The following SUMF1 variants were observed in gnomAD, a reference collection of about 807,000 sequenced individuals.
The protein encoded by SUMF1 is sulfatase modifying factor 1.
Under a neutral mutation model 47.6 loss-of-function variants are expected in SUMF1, and 48 were observed. The observed-to-expected ratio is 1.01, with a 90% CI of 0.80 to 1.28. SUMF1 has a LOEUF of 1.28. Among genes scored for constraint, SUMF1 ranks in the 50% most tolerant of loss-of-function variants. SUMF1 has a pLI of 0.00. For missense variants in SUMF1, 571 were observed against 485.4 expected, an observed-to-expected ratio of 1.18 and a Z score of -1.66; for synonymous variants, 230 against 192.1, an observed-to-expected ratio of 1.20 and a Z score of -1.63.
Position 4,294,590 on chromosome 3 carries a change from C to T in SUMF1, c.1014+81740G>A, listed in dbSNP as rs115132609. 5.1e-3 allele frequency among the ~76,000 whole-genome samples: 771 copies of T among 152,190 alleles called. 7 individuals are homozygous for T. Among genetic ancestry groups the T allele is most frequent in the South Asian group, 0.025 (120 of 4,830 alleles). ...CCTGGGCAACAGAGCAAGAACCTGT[C>T]TCAACAACAACAACAACAAATGTTA... On this transcript the variant is annotated intron_variant and NMD_transcript_variant, in intron 8 of 12. Coordinates refer to the SUMF1 transcript ENST00000448413.
intron 8 of SUMF1, among the ~76,000 whole-genome samples, chr3:4,151,582 C>CAT (rs1225534707): frequency 1.4e-5 from 2 of 148,034 alleles, no homozygotes; most frequent in African/African-American, 5.1e-5. Flanking sequence ...CACACACACA[C>CAT]ACACACATGC....
chr3:4,307,634 C>T (rs757149270), intron 8 of SUMF1, among the ~76,000 whole-genome samples: 1 of 152,192 alleles, frequency 6.6e-6, no homozygotes, highest in Non-Finnish European at 1.5e-5. Context: ...TCCAGTATAT[C>T]ATTTTGCCGT....
chr3:4,411,472 T>C (rs144573172), intron 6 of SUMF1, among the ~76,000 whole-genome samples: 44 of 152,264 alleles, frequency 2.9e-4, no homozygotes, highest in African/African-American at 9.9e-4. Flanking sequence ...CATCTTACCT[T>C]AAGCCTCAAA....
intron 7 of SUMF1, among the ~76,000 whole-genome samples, chr3:4,388,373 T>G (rs1018611775): frequency 1.3e-5 from 2 of 152,098 alleles, no homozygotes; most frequent in African/African-American, 4.8e-5. Flanking sequence ...GATATGAATA[T>G]AGCCACTCTG....
chr3:4,201,259 T>G (rs1695534806), intron 8 of SUMF1, among the ~76,000 whole-genome samples: 1 of 152,060 alleles, frequency 6.6e-6, no homozygotes, highest in African/African-American at 2.4e-5. Context: ...ATTTTTGTAC[T>G]CATTAACCAT....
intron 8 of SUMF1, among the ~76,000 whole-genome samples, chr3:4,369,579 T>C (rs1700106547): frequency 6.6e-6 from 1 of 152,236 alleles, no homozygotes; most frequent in Non-Finnish European, 1.5e-5. Flanking sequence ...ATGTCATTCT[T>C]GTCCCATAAA....
chr3:4,333,386 G>A (rs1017245164), intron 8 of SUMF1, among the ~76,000 whole-genome samples: 1 of 152,218 alleles, frequency 6.6e-6, no homozygotes, highest in African/African-American at 2.4e-5. Flanking sequence ...CATCCTCAGG[G>A]GGGTGTCAGG....
At chr3:4,184,006 A>G (rs761028077) in intron 8 of SUMF1, among the ~76,000 whole-genome samples, 2 of 152,016 alleles carry the variant, frequency 1.3e-5, no homozygotes, top group Non-Finnish European at 2.9e-5. Context: ...ATTGTGGCAC[A>G]TGCCTGCAGT....
At chr3:4,276,194 G>C (rs1322097935) in intron 8 of SUMF1, among the ~76,000 whole-genome samples, 1 of 152,086 alleles carries the variant, frequency 6.6e-6, no homozygotes, top group Non-Finnish European at 1.5e-5. Context: ...TTTTACAGGG[G>C]ACAACAGGCA....
At chr3:4,316,046 CAAAAAAAA>C (rs774059331) in intron 8 of SUMF1, among the ~76,000 whole-genome samples, 3 of 76,886 alleles carry the variant, frequency 3.9e-5, no homozygotes, top group Non-Finnish European at 5.4e-5. Flanking sequence ...GACTCTGTCT[CAAAAAAAA>C]AAAAAAAAAA....
At chr3:4,120,768 A>G (rs1305557437) in intron 8 of SUMF1, among the ~76,000 whole-genome samples, 2 of 152,074 alleles carry the variant, frequency 1.3e-5, no homozygotes, top group Non-Finnish European at 2.9e-5. Flanking sequence ...CCCTCCTTCA[A>G]CAAGACCCCC....
intron 8 of SUMF1, among the ~76,000 whole-genome samples, chr3:4,218,863 AGCCTTTTG>A: frequency 6.6e-6 from 1 of 152,254 alleles, no homozygotes; most frequent in South Asian, 2.1e-4. Context: ...TCTCCTCATT[AGCCTTTTG>A]GGTTTCAGCA....
At chr3:4,108,007 T>C (rs1191054612) in intron 8 of SUMF1, among the ~76,000 whole-genome samples, 1 of 152,098 alleles carries the variant, frequency 6.6e-6, no homozygotes, top group African/African-American at 2.4e-5. Context: ...AAACAATTTC[T>C]GGAAATAACC....
intron 8 of SUMF1, among the ~76,000 whole-genome samples, chr3:4,158,651 C>A (rs904137294): frequency 6.6e-6 from 1 of 151,428 alleles, no homozygotes; most frequent in East Asian, 1.9e-4. Context: ...TCATATATAT[C>A]TGGGTGCTCC....
chr3:4,247,975 A>C (rs1696706908), intron 8 of SUMF1, among the ~76,000 whole-genome samples: 1 of 152,222 alleles, frequency 6.6e-6, no homozygotes, highest in Admixed American at 6.5e-5. Context: ...CTACTTTGCA[A>C]AGGCATGGGG....
chr3:4,293,961 A>G (rs1697789983), intron 8 of SUMF1, among the ~76,000 whole-genome samples: 3 of 152,236 alleles, frequency 2.0e-5, no homozygotes, highest in African/African-American at 7.2e-5. Context: ...ATAAATGGTG[A>G]GAAACTTTAT....
At chr3:4,201,660 G>A (rs1559560252) in intron 8 of SUMF1, among the ~76,000 whole-genome samples, 4 of 152,062 alleles carry the variant, frequency 2.6e-5, no homozygotes, top group Admixed American at 2.6e-4. Flanking sequence ...CAAATACCTA[G>A]GAGCAATACT....
chr3:4,092,023 A>C (rs1359340040), intron 8 of SUMF1, among the ~76,000 whole-genome samples: 1 of 152,102 alleles, frequency 6.6e-6, no homozygotes, highest in Non-Finnish European at 1.5e-5. Flanking sequence ...AGCAAGGAGT[A>C]AAGGAGTAGA....
intron 8 of SUMF1, among the ~76,000 whole-genome samples, chr3:4,163,844 T>C (rs1056285633): frequency 1.3e-5 from 2 of 152,204 alleles, no homozygotes; most frequent in Non-Finnish European, 2.9e-5. Context: ...CATCATCTTA[T>C]ATTTTTCTAT....
Sources: allele counts gnomAD v4.1 joint callset (sites outside exome capture counted in the v4.1 genomes callset), GRCh38; gene constraint gnomAD v4.1.1; transcripts MANE v1.5; gene names NCBI Gene and HGNC (gene_info 2026-07-23, HGNC 2026-07-21).